The following UGT1A1 variants were observed in gnomAD, a reference collection of about 807,000 sequenced individuals.
The protein encoded by UGT1A1 is UDP glucuronosyltransferase family 1 member A1, also known as UDP-glucuronosyltransferase 1A1.
A neutral mutation model predicts 40.6 loss-of-function variants in UGT1A1; 33 were observed. That is an observed-to-expected ratio of 0.81 (90% CI 0.62 to 1.09). UGT1A1 has a LOEUF of 1.09. Among genes scored for constraint, UGT1A1 ranks in the 50% least tolerant of loss-of-function variants. UGT1A1 has a pLI of 0.00. For synonymous variants in UGT1A1, 249 were observed against 265.0 expected, an observed-to-expected ratio of 0.94 and a Z score of 0.59; for missense variants, 694 against 671.2, an observed-to-expected ratio of 1.03 and a Z score of -0.38.
chr2:233,767,049 AT>A lies in UGT1A1; in HGVS notation c.882del (p.Asn295MetfsTer71). ...NPLSQEFEAY[I>X]NASGEHGIVV... ...CTGGCTCTAGGAATTTGAAGCCTACATTAATGCTTCTGGAGAACATGGAATT... is the reference window on the plus strand; with the variant it reads ...CTGGCTCTAGGAATTTGAAGCCTACATAATGCTTCTGGAGAACATGGAATT... On this transcript the variant is annotated frameshift_variant, in exon 2 of 5. Transcript: ENST00000305208. LOFTEE classifies it high-confidence loss of function. The A allele has an allele frequency of 6.2e-7, 1 of 1,614,146 alleles. No individual in the cohort carries two copies. The highest frequency in any genetic ancestry group is 8.5e-7 in the Non-Finnish European group (1 of 1,180,002).
At chr2:233,765,606 C>G (rs4663971) in intron 1 of UGT1A1, among the ~76,000 whole-genome samples, 75,263 of 151,312 alleles carry the variant, frequency 0.5, 19,319 homozygotes, top group African/African-American at 0.62. Context: ...GGGCTTGTGG[C>G]GGGGTGAGGG....
chr2:233,769,776 G>A lies in UGT1A1; in HGVS notation c.1304+1337G>A. ...AGGCTAAGGCGGGAGGATTGCTTGAGCCCAGAAGTTGGAGGCTGCTATGAG... is the reference window on the plus strand; with the variant it reads ...AGGCTAAGGCGGGAGGATTGCTTGAACCCAGAAGTTGGAGGCTGCTATGAG... On this transcript the variant is annotated intron_variant, in intron 4 of 4. Transcript: ENST00000305208. This position sits in a 1 kb window ranked among gnomAD's most constrained non-coding sequence, Gnocchi z 4.4. The A allele has an allele frequency of 7.3e-7, 1 of 1,373,770 alleles. No individual in the cohort carries two copies. The allele number at this position is 1,373,770 out of a possible 1,614,324, so 85.1% of individuals were successfully genotyped here. A position where few individuals can be genotyped will look rare whatever the true frequency, so the allele number is the denominator to read the frequency against.
Position 233,760,562 on chromosome 2 carries a change from T to C in UGT1A1, c.275T>C (p.Phe92Ser), listed in dbSNP as rs1218423176. Residue 92 changes from phenylalanine to serine, a missense_variant, in exon 1 of 5, where the codon TTT becomes TCT. Coordinates refer to ENST00000305208, the MANE Select transcript of UGT1A1 (RefSeq NM_000463.3). ...PFQREDVKES[F>S]VSLGHNVFEN... is the part of the protein sequence containing the mutation. ...CAAAGGGAGGATGTGAAAGAGTCTT[T>C]TGTTAGTCTCGGGCATAATGTTTTT... 3.7e-6 allele frequency: 6 copies of C among 1,614,228 alleles called. No individual in the cohort carries two copies. The highest frequency in any genetic ancestry group is 2.2e-5 in the East Asian group (1 of 44,888).
chr2:233,763,933 G>A (rs1374530707), intron 1 of UGT1A1, among the ~76,000 whole-genome samples: 1 of 152,232 alleles, frequency 6.6e-6, no homozygotes, highest in African/African-American at 2.4e-5. Context: ...ATGGCCAGGA[G>A]AGGAAAGCTT....
chr2:233,764,150 T>C (rs770421486), intron 1 of UGT1A1, among the ~76,000 whole-genome samples: 21 of 152,376 alleles, frequency 1.4e-4, no homozygotes, highest in Non-Finnish European at 2.4e-4. Flanking sequence ...TCATTTTGGC[T>C]GGTGAAGTCT....
rs1699915243 is a variant in UGT1A1, at chr2:233,769,658, C to T, written c.1304+1219C>T. On this transcript the variant is annotated intron_variant, in intron 4 of 4. Coordinates refer to ENST00000305208, the MANE Select transcript of UGT1A1 (RefSeq NM_000463.3). The surrounding 1 kb of genome is among the most constrained non-coding windows in gnomAD (Gnocchi z 4.4). ...GGAGGACTGATGACTGACTTCCCAC[C>T]TTTGAGGTGCTAATGTGTGTGTGGT... 2 of 1,600,404 alleles carry T rather than the reference C, an allele frequency of 1.2e-6. No individual in the cohort carries two copies. The highest frequency in any genetic ancestry group is 2.7e-5 in the African/African-American group (2 of 74,670).
intron 1 of UGT1A1, among the ~76,000 whole-genome samples, chr2:233,763,357 C>G (rs1698288561): frequency 6.6e-6 from 1 of 152,176 alleles, no homozygotes; most frequent in Non-Finnish European, 1.5e-5. Flanking sequence ...ATCTTTAGTA[C>G]TCCTTTGTCT....
rs1171527500 is a variant in UGT1A1, at chr2:233,760,898, T to C, written c.611T>C (p.Met204Thr). 2 of 1,613,998 alleles carry C rather than the reference T, an allele frequency of 1.2e-6. No homozygotes were observed. Among genetic ancestry groups the C allele is most frequent in the Non-Finnish European group, 1.7e-6 (2 of 1,180,014 alleles). Residue 204 changes from methionine to threonine, a missense_variant, in exon 1 of 5, where the codon ATG (methionine) becomes ACG (threonine). Physicochemically the swap from Met to Thr is moderately conservative, Grantham distance 81. Transcript: ENST00000305208. ...PRPLSSHSDH[M>T]TFLQRVKNML... ...CCTCTCTCCTCTCATTCAGATCACA[T>C]GACCTTCCTGCAGCGGGTGAAGAAC...
At chr2:233,765,903 C>A (rs906451235) in intron 1 of UGT1A1, among the ~76,000 whole-genome samples, 6 of 152,044 alleles carry the variant, frequency 3.9e-5, no homozygotes, top group African/African-American at 1.5e-4. Flanking sequence ...ACTGCTCAAA[C>A]CTCTAGGGGA....
Position 233,772,339 on chromosome 2 carries a change from G to C in UGT1A1, c.1382G>C (p.Trp461Ser), listed in dbSNP as rs1424603943. 4.3e-6 allele frequency: 7 copies of C among 1,614,256 alleles called. No individual in the cohort carries two copies. Among genetic ancestry groups the C allele is most frequent in the Non-Finnish European group, 5.9e-6 (7 of 1,180,038 alleles). ...GAGCCGCTGGACCTGGCCGTGTTCT[G>C]GGTGGAGTTTGTGATGAGGCACAAG... ...PVEPLDLAVF[W>S]VEFVMRHKGA... is the part of the protein sequence containing the mutation. The change falls in exon 5 of 5, where the codon TGG becomes TCG. Residue 461 changes from tryptophan to serine, a missense_variant. Transcript: ENST00000305208.
chr2:233,772,588 TG>T lies in UGT1A1; in HGVS notation c.*30del, dbSNP rs774491304. The T allele has an allele frequency of 1.9e-6, 3 of 1,604,040 alleles. No homozygotes were observed. The South Asian group carries it at 3.3e-5, about 18-fold the overall frequency. On this transcript the variant is annotated 3_prime_UTR_variant, in exon 5 of 5. Transcript: ENST00000305208. ...GTGGGTGGGAAATAAGGTAAAATTT[TG>T]AACCATTCCCTAGTCATTTCCAAAC...
In UGT1A1 at chr2:233,769,469, G is replaced by A. The variant is rs1360382156; in HGVS notation, c.1304+1030G>A. 6.2e-7 allele frequency: 1 copy of A among 1,610,132 alleles called. No homozygotes were observed. Among genetic ancestry groups the A allele is most frequent in the Non-Finnish European group, 8.5e-7 (1 of 1,177,710 alleles). On this transcript the variant is annotated intron_variant, in intron 4 of 4. Coordinates refer to ENST00000305208, the MANE Select transcript of UGT1A1 (RefSeq NM_000463.3). The surrounding 1 kb of genome is among the most constrained non-coding windows in gnomAD (Gnocchi z 4.4). Reference sequence around the variant, plus strand: ...CACACGTGTGCATTCATATGCGTGTGTGTGTGTGTGCGTGTGTTTATGAGA... The same window carrying A: ...CACACGTGTGCATTCATATGCGTGTATGTGTGTGTGCGTGTGTTTATGAGA...
chr2:233,761,292 A>G, intron 1 of UGT1A1, 141 bp downstream of exon 1: 4 of 1,528,102 alleles, frequency 2.6e-6, no homozygotes, highest in Middle Eastern at 1.9e-4. Flanking sequence ...TTTGACTCCT[A>G]GGTTTGAGTC....
At chr2:233,762,422 T>TAG (rs1438123944) in intron 1 of UGT1A1, among the ~76,000 whole-genome samples, 1 of 152,242 alleles carries the variant, frequency 6.6e-6, no homozygotes, top group East Asian at 1.9e-4. Flanking sequence ...TTCTACAAAA[T>TAG]AGAGTAACAG....
At chr2:233,766,761 T>G (rs1575822555) in intron 1 of UGT1A1, among the ~76,000 whole-genome samples, 1 of 152,230 alleles carries the variant, frequency 6.6e-6, no homozygotes, top group African/African-American at 2.4e-5. Context: ...TGTGTGTGCA[T>G]GTACCTGTGC....
intron 1 of UGT1A1, among the ~76,000 whole-genome samples, chr2:233,764,077 A>T (rs1698472611): frequency 6.6e-6 from 1 of 152,230 alleles, no homozygotes; most frequent in Non-Finnish European, 1.5e-5. Flanking sequence ...GGGAAAATCT[A>T]ATTAAAAGCC....
chr2:233,770,479 C>T (rs545055885), intron 4 of UGT1A1: 1 of 152,002 alleles, frequency 6.6e-6, no homozygotes, highest in Admixed American at 6.5e-5. Flanking sequence ...CATGAAGAAA[C>T]CTTATCTCTA....
chr2:233,767,978 A>C, intron 3 of UGT1A1, 42 bp downstream of exon 3: 1 of 1,614,204 alleles, frequency 6.2e-7, no homozygotes, highest in Admixed American at 1.7e-5. Context: ...ACCAGGGTCA[A>C]ATTAAGAAAA....
At position 233,767,811 on chromosome 2, in the gene UGT1A1, G is replaced by C. The variant is rs887887266; in HGVS notation, c.997-38G>C. 1.2e-5 allele frequency: 19 copies of C among 1,614,006 alleles called. No individual in the cohort carries two copies. In the Admixed American group the frequency reaches 2.8e-4, roughly 24 times the overall value. On this transcript the variant is annotated intron_variant, in intron 2 of 4. Coordinates refer to ENST00000305208, the MANE Select transcript of UGT1A1 (RefSeq NM_000463.3). ...CAGATTTGTTTTCTAATCATATTAT[G>C]TTCTTTCTTTACGTTCTGCTCTTTT...
Sources: allele counts gnomAD v4.1 joint callset (sites outside exome capture counted in the v4.1 genomes callset), GRCh38; gene constraint gnomAD v4.1.1; non-coding constraint Gnocchi (gnomAD v3.1); transcripts MANE v1.5; gene names NCBI Gene and HGNC (gene_info 2026-07-23, HGNC 2026-07-21).